Variants in YPEL5 observed in about 807,000 individuals in gnomAD.
The protein encoded by YPEL5 is protein yippee-like 5.
Under a neutral mutation model 10.5 loss-of-function variants are expected in YPEL5, and 1 was observed. That is an observed-to-expected ratio of 0.10 (90% CI 0.03 to 0.45). The LOEUF (loss-of-function observed/expected upper bound fraction) is 0.45, where lower values mean the gene tolerates loss of function less well. Ranked by LOEUF, YPEL5 falls within the 20% of genes least tolerant of loss-of-function variation. YPEL5 has a pLI of 0.97. For missense variants in YPEL5, 68 were observed against 159.3 expected (o/e 0.43, Z 3.09); for synonymous variants, 61 against 56.6 (o/e 1.08, Z -0.35).
rs1676157184 is a variant in YPEL5 at position 30,158,890 on chromosome 2, A to ACAAAAAT, written c.*49_*55dup. 2 of 1,578,070 alleles carry ACAAAAAT rather than the reference A, an allele frequency of 1.3e-6. No homozygotes were observed. Among genetic ancestry groups the ACAAAAAT allele is most frequent in the African/African-American group, 2.7e-5 (2 of 74,262 alleles). ...TTTTCCCAGGTCTCCTTCACTGAAA[A>ACAAAAAT]CAAAAATCTACTTACATACACTGTC... is the stretch of plus-strand genomic sequence containing the variant. On this transcript the variant is annotated 3_prime_UTR_variant, in exon 3 of 3. Transcript: ENST00000261353.
At chr2:30,156,592 A>C in intron 1 of YPEL5, 36 bp from the exon 2 acceptor site, 5 of 1,581,832 alleles carry the variant, frequency 3.2e-6, no homozygotes, top group Non-Finnish European at 3.5e-6. Flanking sequence ...CATGATTATT[A>C]TAATGCATTT....
intron 1 of YPEL5, among the ~76,000 whole-genome samples, chr2:30,150,400 C>A (rs1675728203): frequency 6.6e-6 from 1 of 152,132 alleles, no homozygotes; most frequent in Non-Finnish European, 1.5e-5. Context: ...ACAGATGAAA[C>A]AGGAGAGGAT....
chr2:30,160,286 G>T lies in YPEL5; in HGVS notation c.*1443G>T, dbSNP rs570824994. The T allele has an allele frequency of 6.6e-6, 1 of 152,308 alleles. No homozygotes were observed. Among genetic ancestry groups the T allele is most frequent in the African/African-American group, 2.4e-5 (1 of 41,564 alleles). 9.4% of individuals were successfully genotyped at this position (152,308 alleles called of 1,614,324 possible). On this transcript the variant is annotated 3_prime_UTR_variant, in exon 3 of 3. Transcript: ENST00000261353. Reference sequence around the variant, plus strand: ...AAAAGTGACTTCTGAGTACAGTTAAGTTCCTCCTATTTGCCACTGGGCTGT... The same window carrying T: ...AAAAGTGACTTCTGAGTACAGTTAATTTCCTCCTATTTGCCACTGGGCTGT...
At chr2:30,155,352 T>C (rs1224577291) in intron 1 of YPEL5, among the ~76,000 whole-genome samples, 1 of 152,238 alleles carries the variant, frequency 6.6e-6, no homozygotes, top group Non-Finnish European at 1.5e-5. Flanking sequence ...GCCTAATGGC[T>C]GGGGAAGTTC....
chr2:30,157,384 G>A (rs1367156454), intron 2 of YPEL5, among the ~76,000 whole-genome samples: 1 of 152,124 alleles, frequency 6.6e-6, no homozygotes, highest in Non-Finnish European at 1.5e-5. Context: ...GGAAGGAACA[G>A]GTCAAGATAC....
chr2:30,151,578 G>C (rs940001631), intron 1 of YPEL5, among the ~76,000 whole-genome samples: 1 of 152,104 alleles, frequency 6.6e-6, no homozygotes, highest in African/African-American at 2.4e-5. Context: ...AGTCAAGCTT[G>C]GTACTTTTCT....
At chr2:30,150,306 C>T (rs1675723339) in intron 1 of YPEL5, among the ~76,000 whole-genome samples, 1 of 152,224 alleles carries the variant, frequency 6.6e-6, no homozygotes. Context: ...TGAGCATTCA[C>T]TGTGTGCTAG....
chr2:30,148,399 C>T (rs551854733), intron 1 of YPEL5: 1 of 152,248 alleles, frequency 6.6e-6, no homozygotes, highest in East Asian at 1.9e-4. Context: ...TTTGCATAGC[C>T]ACATATAGAG....
chr2:30,156,080 TAA>T (rs1409848998), intron 1 of YPEL5, among the ~76,000 whole-genome samples: 2 of 152,204 alleles, frequency 1.3e-5, no homozygotes, highest in African/African-American at 4.8e-5. Context: ...GACATTGACT[TAA>T]AGTTAGTCAT....
Position 30,159,006 on chromosome 2 carries a change from T to A in YPEL5, c.*163T>A, listed in dbSNP as rs1050891395. The stretch of plus-strand genomic sequence containing the variant: ...CTTTCTTTCTTTCTTTCTTTTTTTT[T>A]AAATTTTGTATTTTCCATCCAACAG... On this transcript the variant is annotated 3_prime_UTR_variant, in exon 3 of 3. Coordinates refer to ENST00000261353, the MANE Select transcript of YPEL5 (RefSeq NM_016061.3). 2.0e-5 allele frequency: 14 copies of A among 712,464 alleles called. No individual in the cohort carries two copies. In the Admixed American group the frequency reaches 3.9e-4, roughly 20 times the overall value. The allele number at this position is 712,464 out of a possible 1,614,324, so 44.1% of individuals were successfully genotyped here.
chr2:30,147,219 G>A (rs1041034592), intron 1 of YPEL5, among the ~76,000 whole-genome samples, 157 bp downstream of exon 1: 6 of 152,024 alleles, frequency 3.9e-5, no homozygotes, highest in African/African-American at 1.4e-4. Context: ...TCCCAGAGCG[G>A]CCGCCCCAGA....
At chr2:30,148,866 C>T (rs1207158544) in intron 1 of YPEL5, among the ~76,000 whole-genome samples, 1 of 152,142 alleles carries the variant, frequency 6.6e-6, no homozygotes, top group Non-Finnish European at 1.5e-5. Flanking sequence ...TGAAGGTAGT[C>T]CTAGGTATAT....
At chr2:30,150,878 A>C (rs1357347147) in intron 1 of YPEL5, among the ~76,000 whole-genome samples, 1 of 152,234 alleles carries the variant, frequency 6.6e-6, no homozygotes, top group Non-Finnish European at 1.5e-5. Flanking sequence ...TTCATTGTAA[A>C]GTGGAAGGAG....
At chr2:30,149,118 G>T (rs1278458043) in intron 1 of YPEL5, among the ~76,000 whole-genome samples, 1 of 152,144 alleles carries the variant, frequency 6.6e-6, no homozygotes, top group African/African-American at 2.4e-5. Context: ...TCTTGCTAGG[G>T]TTTAGCGGGG....
At position 30,159,168 on chromosome 2, in the gene YPEL5, G is replaced by C; in HGVS notation, c.*325G>C. 1 of 238,102 alleles carries C rather than the reference G, an allele frequency of 4.2e-6. No homozygotes were observed. Among genetic ancestry groups the C allele is most frequent in the East Asian group, 8.8e-5 (1 of 11,416 alleles). The allele number at this position is 238,102 out of a possible 1,614,324, so 14.7% of individuals were successfully genotyped here. ...ATCTGGGCTGTTAGAGTGAAAAAGT[G>C]TGTTTTATGTCAATTGTGAAAGGAA... On this transcript the variant is annotated 3_prime_UTR_variant, in exon 3 of 3. Coordinates refer to ENST00000261353, the MANE Select transcript of YPEL5 (RefSeq NM_016061.3).
chr2:30,151,603 A>G (rs1055734419), intron 1 of YPEL5, among the ~76,000 whole-genome samples: 7 of 152,200 alleles, frequency 4.6e-5, no homozygotes, highest in African/African-American at 1.7e-4. Flanking sequence ...CAACCTTTTT[A>G]GGATTTTTAT....
intron 1 of YPEL5, chr2:30,148,125 G>A (rs559750056): frequency 6.6e-6 from 1 of 152,336 alleles, no homozygotes; most frequent in Non-Finnish European, 1.5e-5. Context: ...GGATCAGCGG[G>A]AGTGGGAAAT....
chr2:30,148,392 G>T (rs1235719525), intron 1 of YPEL5: 1 of 152,164 alleles, frequency 6.6e-6, no homozygotes, highest in Non-Finnish European at 1.5e-5. Context: ...AGCTAACTTT[G>T]CATAGCCACA....
intron 1 of YPEL5, among the ~76,000 whole-genome samples, chr2:30,152,519 G>T (rs984385956): frequency 6.6e-6 from 1 of 152,174 alleles, no homozygotes; most frequent in Non-Finnish European, 1.5e-5. Context: ...TGTGATTGCA[G>T]TTGGCATCAA....
Sources: gnomAD v4.1 joint callset for allele counts (sites outside exome capture counted in the v4.1 genomes callset) on GRCh38, gnomAD v4.1.1 for gene constraint, MANE v1.5 for transcripts, NCBI Gene and HGNC (gene_info 2026-07-23, HGNC 2026-07-21) for gene names.